NXPE4: variants seen among roughly 807,000 people sequenced by gnomAD.
The protein encoded by NXPE4 is NXPE family member 4.
NXPE4 carries 42 observed loss-of-function variants against 33.3 expected under a neutral mutation model. The observed-to-expected ratio is 1.26, with a 90% CI of 0.98 to 1.63. NXPE4 has a LOEUF of 1.63. Among genes scored for constraint, NXPE4 ranks in the 40% most tolerant of loss-of-function variants. The pLI is 0.00. For missense variants in NXPE4, 709 were observed against 647.6 expected, an observed-to-expected ratio of 1.09 and a Z score of -1.03; for synonymous variants, 253 against 234.9, an observed-to-expected ratio of 1.08 and a Z score of -0.71.
chr11:114,574,923 C>T (rs1344768287), intron 5 of NXPE4, among the ~76,000 whole-genome samples: 4 of 152,060 alleles, frequency 2.6e-5, no homozygotes, highest in Non-Finnish European at 4.4e-5. Context: ...CCCTTATGAA[C>T]ATAGATGCTA....
the NXPE4 span, among the ~76,000 whole-genome samples, chr11:114,623,300 C>T: frequency 6.6e-5 from 10 of 151,138 alleles, no homozygotes; most frequent in Non-Finnish European, 1.0e-4. Flanking sequence ...CAGTGGATAA[C>T]AATTATTGCC....
chr11:114,649,572 CA>C, the NXPE4 span, among the ~76,000 whole-genome samples: 1 of 152,110 alleles, frequency 6.6e-6, no homozygotes, highest in African/African-American at 2.4e-5. Context: ...GTTGCCTGGG[CA>C]ACTAGGTAAA....
At chr11:114,624,835 T>C in the NXPE4 span, among the ~76,000 whole-genome samples, 10 of 152,106 alleles carry the variant, frequency 6.6e-5, no homozygotes, top group African/African-American at 2.2e-4. Context: ...GTAACCACTG[T>C]TACCTGGTGG....
the NXPE4 span, among the ~76,000 whole-genome samples, chr11:114,640,019 TATA>T: frequency 2.5e-5 from 3 of 120,518 alleles, no homozygotes; most frequent in African/African-American, 1.0e-4. Context: ...TATATTATTT[TATA>T]ATGTAACATA....
chr11:114,660,717 T>C, the NXPE4 span, among the ~76,000 whole-genome samples: 3 of 152,126 alleles, frequency 2.0e-5, no homozygotes, highest in African/African-American at 4.8e-5. Context: ...TAATGTTCAA[T>C]CTTGCTGTTC....
At chr11:114,612,075 G>T in the NXPE4 span, among the ~76,000 whole-genome samples, 3 of 151,400 alleles carry the variant, frequency 2.0e-5, no homozygotes, top group Non-Finnish European at 4.4e-5. Context: ...ACTCTTACAT[G>T]GTGGATAATA....
intron 3 of NXPE4, 134 bp downstream of exon 3, chr11:114,582,154 T>C (rs1394271697): frequency 1.1e-6 from 1 of 922,650 alleles, no homozygotes; most frequent in Non-Finnish European, 1.6e-6. Context: ...CTAAATGAAT[T>C]CACAGATCCT....
intron 5 of NXPE4, among the ~76,000 whole-genome samples, chr11:114,579,655 T>G (rs1472502173): frequency 6.6e-6 from 1 of 152,196 alleles, no homozygotes; most frequent in Non-Finnish European, 1.5e-5. Flanking sequence ...CTCATTTTAC[T>G]AGGTAGAAAC....
the NXPE4 span, among the ~76,000 whole-genome samples, chr11:114,636,520 G>T: frequency 6.6e-6 from 1 of 151,608 alleles, no homozygotes; most frequent in Non-Finnish European, 1.5e-5. Flanking sequence ...GAATGTGTTT[G>T]CTCTTGCTTT....
the NXPE4 span, among the ~76,000 whole-genome samples, chr11:114,635,830 G>C: frequency 6.6e-6 from 1 of 152,034 alleles, no homozygotes; most frequent in East Asian, 1.9e-4. Flanking sequence ...TGATCATGGT[G>C]GATAAGCTTT....
chr11:114,677,411 G>A, the NXPE4 span, among the ~76,000 whole-genome samples: 8 of 151,970 alleles, frequency 5.3e-5, no homozygotes, highest in South Asian at 4.2e-4. Context: ...TTTTATTTGC[G>A]AACTGTACCT....
At chr11:114,620,673 G>T in the NXPE4 span, among the ~76,000 whole-genome samples, 3 of 150,992 alleles carry the variant, frequency 2.0e-5, no homozygotes, top group Non-Finnish European at 3.0e-5. Flanking sequence ...AATAAATATT[G>T]TCTCCCAGGT....
chr11:114,618,284 G>A, the NXPE4 span, among the ~76,000 whole-genome samples: 7 of 150,824 alleles, frequency 4.6e-5, no homozygotes, highest in East Asian at 2.0e-4. Context: ...AAGTATTACC[G>A]CATGGGTAAC....
chr11:114,602,685 AATT>A, the NXPE4 span, among the ~76,000 whole-genome samples: 1 of 141,338 alleles, frequency 7.1e-6, no homozygotes, highest in Non-Finnish European at 1.5e-5. Flanking sequence ...CATATGTAAT[AATT>A]ATCTCATATA....
chr11:114,619,074 G>A, the NXPE4 span, among the ~76,000 whole-genome samples: 1 of 151,986 alleles, frequency 6.6e-6, no homozygotes, highest in African/African-American at 2.4e-5. Flanking sequence ...TGGATAATAA[G>A]TATTGCATCA....
upstream of NXPE4, among the ~76,000 whole-genome samples, chr11:114,599,254 T>A (rs1000264479): frequency 6.6e-6 from 1 of 152,134 alleles, no homozygotes; most frequent in African/African-American, 2.4e-5. Flanking sequence ...AAACTGACCT[T>A]TACTCCGATT....
the NXPE4 span, among the ~76,000 whole-genome samples, chr11:114,645,326 A>G: frequency 1.3e-5 from 2 of 152,208 alleles, no homozygotes; most frequent in African/African-American, 4.8e-5. Flanking sequence ...AAAATAAAAA[A>G]ACCCAGTCCC....
chr11:114,589,364 G>A (rs1042524686), intron 2 of NXPE4, among the ~76,000 whole-genome samples: 2 of 152,114 alleles, frequency 1.3e-5, no homozygotes, highest in African/African-American at 4.8e-5. Context: ...CCTCCTTCTG[G>A]ACACCAGAGC....
At position 114,581,683 on chromosome 11, in the gene NXPE4, G is replaced by A. The variant is rs112204071; in HGVS notation, c.892+42C>T. On this transcript the variant is annotated intron_variant, in intron 4 of 5. Transcript: ENST00000375478. ...TAGAAAGAAGAAACCCTTTAAATGG[G>A]TCTAGAACTAGGCACCACCCACCAA... is the stretch of plus-strand genomic sequence containing the variant. 501 of 1,465,046 alleles carry A rather than the reference G, an allele frequency of 3.4e-4. 2 individuals carry two copies. In the African/African-American group the frequency reaches 6.0e-3, roughly 18 times the overall value. 90.8% of individuals were successfully genotyped at this position (1,465,046 alleles called of 1,614,324 possible). A position where few individuals can be genotyped will look rare whatever the true frequency, so the allele number is the denominator to read the frequency against.
Sources: allele counts gnomAD v4.1 joint callset (sites outside exome capture counted in the v4.1 genomes callset), GRCh38; gene constraint gnomAD v4.1.1; transcripts MANE v1.5; gene names NCBI Gene and HGNC (gene_info 2026-07-23, HGNC 2026-07-21).